Variants in VDAC1 observed in about 807,000 individuals in gnomAD.
The protein encoded by VDAC1 is non-selective voltage-gated ion channel VDAC1.
Under a neutral mutation model 34.7 loss-of-function variants are expected in VDAC1, and 10 were observed. The observed-to-expected ratio is 0.29, with a 90% CI of 0.18 to 0.49. The LOEUF (loss-of-function observed/expected upper bound fraction) is 0.49. Ranked by LOEUF, VDAC1 falls within the 20% of genes least tolerant of loss-of-function variation. The pLI is 0.99. For synonymous variants in VDAC1, 130 were observed against 136.0 expected (o/e 0.96, Z 0.30); for missense variants, 230 against 347.9 (o/e 0.66, Z 2.69).
At chr5:134,092,903 A>G in the VDAC1 span, among the ~76,000 whole-genome samples, 1 of 152,218 alleles carries the variant, frequency 6.6e-6, no homozygotes, top group East Asian at 1.9e-4. Context: ...CACTTCTCAG[A>G]GACCAGCGGA....
chr5:134,042,790 G>T, the VDAC1 span, among the ~76,000 whole-genome samples: 1 of 152,170 alleles, frequency 6.6e-6, no homozygotes, highest in Non-Finnish European at 1.5e-5. Flanking sequence ...GCCTGGCTTT[G>T]GGTCTTTTAA....
chr5:134,010,561 G>GCACT, the VDAC1 span, among the ~76,000 whole-genome samples: 3 of 152,118 alleles, frequency 2.0e-5, no homozygotes, highest in African/African-American at 7.2e-5. Flanking sequence ...TCACACCATT[G>GCACT]CACTCCAGCC....
the VDAC1 span, among the ~76,000 whole-genome samples, chr5:134,015,878 T>A: frequency 7.5e-3 from 1,135 of 152,168 alleles, 13 homozygotes; most frequent in African/African-American, 0.026. Flanking sequence ...CTCCTGACCT[T>A]GTGATCTGCC....
At chr5:134,037,574 A>C in the VDAC1 span, among the ~76,000 whole-genome samples, 1 of 152,224 alleles carries the variant, frequency 6.6e-6, no homozygotes, top group Non-Finnish European at 1.5e-5. Flanking sequence ...AGAATCTCTG[A>C]ATCTACCTAT....
At chr5:134,052,072 A>AG in the VDAC1 span, among the ~76,000 whole-genome samples, 7,804 of 152,210 alleles carry the variant, frequency 0.051, 319 homozygotes, top group African/African-American at 0.11. Context: ...CCCCTGAAGC[A>AG]GGTCATAACC....
the VDAC1 span, among the ~76,000 whole-genome samples, chr5:134,101,954 A>G: frequency 1.3e-5 from 2 of 152,236 alleles, no homozygotes; most frequent in South Asian, 4.1e-4. Context: ...GCTGGCCAGT[A>G]GGCCAGCTTC....
the VDAC1 span, among the ~76,000 whole-genome samples, chr5:134,059,056 T>C: frequency 6.6e-6 from 1 of 152,248 alleles, no homozygotes; most frequent in African/African-American, 2.4e-5. Flanking sequence ...GATTGTGGCT[T>C]GCCAACCCAT....
chr5:134,039,237 T>C, the VDAC1 span, among the ~76,000 whole-genome samples: 3 of 152,240 alleles, frequency 2.0e-5, no homozygotes, highest in Non-Finnish European at 4.4e-5. Flanking sequence ...TGATGTCATC[T>C]GGAGAGCCCT....
At chr5:134,089,802 C>A in the VDAC1 span, among the ~76,000 whole-genome samples, 1 of 152,062 alleles carries the variant, frequency 6.6e-6, no homozygotes, top group South Asian at 2.1e-4. Flanking sequence ...CCAGCCTGGC[C>A]AACATGGTGA....
At chr5:134,020,946 C>T in the VDAC1 span, among the ~76,000 whole-genome samples, 6 of 151,514 alleles carry the variant, frequency 4.0e-5, no homozygotes, top group Admixed American at 2.6e-4. Context: ...TTGCTTGAGC[C>T]CAGGAGTTTG....
chr5:133,976,087 A>T (rs2126899638), intron 6 of VDAC1, 66 bp from the exon 7 acceptor site: 2 of 1,597,406 alleles, frequency 1.3e-6, no homozygotes, highest in African/African-American at 1.3e-5. Flanking sequence ...AGACAGATCC[A>T]CCCAAGTCTC....
At chr5:133,988,213 G>T (rs1158309099) in intron 5 of VDAC1, among the ~76,000 whole-genome samples, 1 of 152,052 alleles carries the variant, frequency 6.6e-6, no homozygotes, top group Non-Finnish European at 1.5e-5. Flanking sequence ...GCTGGGTGAA[G>T]AACACAGGAG....
chr5:134,021,135 G>A, the VDAC1 span, among the ~76,000 whole-genome samples: 1 of 152,028 alleles, frequency 6.6e-6, no homozygotes, highest in African/African-American at 2.4e-5. Context: ...GCTACAGTGA[G>A]CTGTGATTGC....
the VDAC1 span, among the ~76,000 whole-genome samples, chr5:134,059,129 T>A: frequency 2.2e-4 from 34 of 152,274 alleles, no homozygotes; most frequent in South Asian, 6.8e-3. Context: ...TTTGCCAGCC[T>A]ATGGGGTGGC....
At chr5:134,064,895 T>C in the VDAC1 span, among the ~76,000 whole-genome samples, 1 of 151,676 alleles carries the variant, frequency 6.6e-6, no homozygotes, top group South Asian at 2.1e-4. Flanking sequence ...TTTTTTTGTA[T>C]TTTTAGTAGA....
At chr5:133,977,393 G>A (rs967725942) in intron 6 of VDAC1, among the ~76,000 whole-genome samples, 8 of 152,154 alleles carry the variant, frequency 5.3e-5, no homozygotes, top group African/African-American at 1.9e-4. Flanking sequence ...ACCCCAGCTG[G>A]CCAAGCTCCC....
the VDAC1 span, among the ~76,000 whole-genome samples, chr5:134,063,118 T>A: frequency 1.3e-5 from 2 of 152,188 alleles, no homozygotes; most frequent in Non-Finnish European, 2.9e-5. Context: ...TGAACAGAGT[T>A]TCCCTATATC....
the VDAC1 span, among the ~76,000 whole-genome samples, chr5:134,020,008 C>A: frequency 1.3e-5 from 2 of 152,068 alleles, no homozygotes; most frequent in African/African-American, 4.8e-5. Context: ...AGCGTCCCTG[C>A]CTTTGTCCTC....
intron 1 of VDAC1, among the ~76,000 whole-genome samples, chr5:133,997,707 CAA>C (rs67591375): frequency 1.2e-4 from 7 of 58,372 alleles, no homozygotes; most frequent in African/African-American, 1.5e-4. Context: ...GACTGTCTCA[CAA>C]AAAAAAAAAA....
Sources: allele counts gnomAD v4.1 joint callset (sites outside exome capture counted in the v4.1 genomes callset), GRCh38; gene constraint gnomAD v4.1.1; transcripts MANE v1.5; gene names NCBI Gene and HGNC (gene_info 2026-07-23, HGNC 2026-07-21).